SEC24B: variants seen among roughly 807,000 people sequenced by gnomAD.
SEC24B encodes the protein protein transport protein Sec24B.
A neutral mutation model predicts 142.8 loss-of-function variants in SEC24B; 45 were observed. The observed-to-expected ratio is 0.32, with a 90% CI of 0.25 to 0.40. SEC24B has a LOEUF of 0.40. SEC24B is among the 10% of genes least tolerant of loss of function. SEC24B has a pLI of 1.00. For missense variants in SEC24B, 1,409 were observed against 1,526.8 expected (o/e 0.92, Z 1.29); for synonymous variants, 574 against 568.2 (o/e 1.01, Z -0.15).
chr4:109,512,858 C>T (rs935125989), intron 9 of SEC24B, among the ~76,000 whole-genome samples: 8 of 151,112 alleles, frequency 5.3e-5, no homozygotes, highest in Admixed American at 1.3e-4. Flanking sequence ...AATGGGGTCT[C>T]GCTATGTTGG....
At chr4:109,467,851 GCA>G (rs1732115066) in intron 2 of SEC24B, among the ~76,000 whole-genome samples, 1 of 152,102 alleles carries the variant, frequency 6.6e-6, no homozygotes, top group African/African-American at 2.4e-5. Flanking sequence ...GTTTTCTGAT[GCA>G]CAGTTTTATA....
intron 2 of SEC24B, among the ~76,000 whole-genome samples, chr4:109,466,953 ATAT>A (rs1731963024): frequency 6.6e-6 from 1 of 152,236 alleles, no homozygotes; most frequent in African/African-American, 2.4e-5. Flanking sequence ...GGACCTTTAA[ATAT>A]TATCTCATTT....
intron 11 of SEC24B, 50 bp downstream of exon 11, chr4:109,516,690 A>ATG: frequency 9.6e-7 from 1 of 1,042,950 alleles, no homozygotes; most frequent in East Asian, 2.6e-5. Flanking sequence ...TTATATATAT[A>ATG]AATGTGTATA....
chr4:109,462,002 C>T (rs1731308271), intron 1 of SEC24B, among the ~76,000 whole-genome samples: 3 of 151,914 alleles, frequency 2.0e-5, no homozygotes, highest in Non-Finnish European at 4.4e-5. Flanking sequence ...CCAGCCTGGG[C>T]AACACAGTGA....
chr4:109,453,457 C>A lies in SEC24B; in HGVS notation c.134-9444C>A, dbSNP rs941057075. On this transcript the variant is annotated intron_variant, in intron 1 of 23. Coordinates refer to ENST00000265175, the MANE Select transcript of SEC24B (RefSeq NM_006323.5). ...CATTTTAGGCCCCCCCCCCCCCCCCCCCGAATGGCTGTTAATTATTAATAT... is the reference window on the plus strand; with the variant it reads ...CATTTTAGGCCCCCCCCCCCCCCCCACCGAATGGCTGTTAATTATTAATAT... Among the ~76,000 whole-genome samples the A allele has an allele frequency of 9.8e-4, 105 of 107,062 alleles. 6 individuals are homozygous for A. The East Asian group carries it at 0.021, about 22-fold the overall frequency. The allele number at this position is 107,062 out of a possible 152,430, so 70.2% of individuals were successfully genotyped here.
At chr4:109,514,530 C>T (rs1221082310) in intron 10 of SEC24B, among the ~76,000 whole-genome samples, 1 of 152,098 alleles carries the variant, frequency 6.6e-6, no homozygotes, top group Non-Finnish European at 1.5e-5. Flanking sequence ...GAAACCCTGT[C>T]TCTACTTAAA....
intron 22 of SEC24B, among the ~76,000 whole-genome samples, chr4:109,534,511 C>T (rs906298288): frequency 1.3e-5 from 2 of 151,612 alleles, no homozygotes; most frequent in East Asian, 1.9e-4. Flanking sequence ...GGTGTGAACT[C>T]GGGAGGCGGA....
chr4:109,538,228 GT>G (rs1218555325), intron 22 of SEC24B, among the ~76,000 whole-genome samples: 2 of 152,178 alleles, frequency 1.3e-5, no homozygotes, highest in African/African-American at 4.8e-5. Flanking sequence ...GCTAATCGTT[GT>G]TTATGTTTTA....
chr4:109,508,976 A>C (rs1028386848), intron 7 of SEC24B, among the ~76,000 whole-genome samples: 2 of 152,340 alleles, frequency 1.3e-5, no homozygotes, highest in South Asian at 4.1e-4. Context: ...TGAACAGTCA[A>C]ACTAGTAAAT....
At chr4:109,534,697 ATAAAG>A (rs1721720886) in intron 22 of SEC24B, among the ~76,000 whole-genome samples, 3 of 152,246 alleles carry the variant, frequency 2.0e-5, no homozygotes, top group South Asian at 2.1e-4. Flanking sequence ...GTAAAAATAA[ATAAAG>A]TAAAAATGCA....
chr4:109,442,225 C>T (rs1728997775), intron 1 of SEC24B, among the ~76,000 whole-genome samples: 2 of 152,108 alleles, frequency 1.3e-5, no homozygotes, highest in Admixed American at 6.5e-5. Context: ...TACCATCCTT[C>T]ATACCAGAGC....
chr4:109,499,279 T>C (rs753161875), intron 6 of SEC24B, among the ~76,000 whole-genome samples: 2 of 152,128 alleles, frequency 1.3e-5, no homozygotes, highest in Non-Finnish European at 2.9e-5. Context: ...GAAGAAACCT[T>C]TCTTATTATA....
chr4:109,437,627 CT>C (rs1561052236), intron 1 of SEC24B, among the ~76,000 whole-genome samples: 1 of 151,680 alleles, frequency 6.6e-6, no homozygotes, highest in African/African-American at 2.4e-5. Flanking sequence ...AAATGGCAAA[CT>C]TTTTTTGTTT....
At chr4:109,496,382 T>C (rs907192451) in intron 6 of SEC24B, among the ~76,000 whole-genome samples, 2 of 152,194 alleles carry the variant, frequency 1.3e-5, no homozygotes, top group African/African-American at 4.8e-5. Context: ...CAAAGTGTGC[T>C]GGGATTACAG....
chr4:109,477,135 T>A (rs2125973927), intron 3 of SEC24B, among the ~76,000 whole-genome samples: 2 of 94,104 alleles, frequency 2.1e-5, no homozygotes, highest in Non-Finnish European at 1.9e-5. Context: ...AGACTCCGTC[T>A]CAAATAAAAA....
At chr4:109,502,477 A>G (rs1197937212) in intron 6 of SEC24B, among the ~76,000 whole-genome samples, 4 of 152,218 alleles carry the variant, frequency 2.6e-5, no homozygotes, top group Non-Finnish European at 5.9e-5. Flanking sequence ...CTTTGTGCTA[A>G]GGTAGTATCA....
chr4:109,449,414 T>TTTTTTG, intron 1 of SEC24B: 1 of 359,794 alleles, frequency 2.8e-6, no homozygotes, highest in Non-Finnish European at 5.5e-6. Flanking sequence ...TTTTTTTTTG[T>TTTTTTG]AGAGACGGGA....
chr4:109,474,964 T>C (rs1304364275), intron 3 of SEC24B, among the ~76,000 whole-genome samples: 1 of 152,216 alleles, frequency 6.6e-6, no homozygotes, highest in East Asian at 1.9e-4. Context: ...TCTTCCTTTT[T>C]TACAGATGAG....
At chr4:109,482,804 G>A (rs1008112698) in intron 4 of SEC24B, among the ~76,000 whole-genome samples, 1 of 149,420 alleles carries the variant, frequency 6.7e-6, no homozygotes, top group African/African-American at 2.5e-5. Flanking sequence ...GTTAATGTTT[G>A]TATTTTTTGT....
Sources: allele counts gnomAD v4.1 joint callset (sites outside exome capture counted in the v4.1 genomes callset), GRCh38; gene constraint gnomAD v4.1.1; transcripts MANE v1.5; gene names NCBI Gene and HGNC (gene_info 2026-07-23, HGNC 2026-07-21).